The following TENM2 variants were observed in gnomAD, a reference collection of about 807,000 sequenced individuals.
TENM2 encodes the protein teneurin transmembrane protein 2.
TENM2 carries 52 observed loss-of-function variants against 245.2 expected under a neutral mutation model. The observed-to-expected ratio is 0.21, with a 90% CI of 0.17 to 0.27. The LOEUF is 0.27. Ranked by LOEUF, TENM2 falls within the 10% of genes least tolerant of loss-of-function variation. The pLI, the probability that TENM2 is intolerant of heterozygous loss-of-function variation, is 1.00. For synonymous variants in TENM2, 1,363 were observed against 1,438.9 expected, an observed-to-expected ratio of 0.95 and a Z score of 1.19; for missense variants, 3,046 against 3,666.8, an observed-to-expected ratio of 0.83 and a Z score of 4.37.
intron 2 of TENM2, among the ~76,000 whole-genome samples, chr5:167,462,775 C>T (rs893723804): frequency 2.6e-5 from 4 of 151,836 alleles, no homozygotes; most frequent in East Asian, 2.0e-4. Flanking sequence ...GGGACTGTGG[C>T]GCGTAGAGGG....
At position 167,870,569 on chromosome 5, in the gene TENM2, A is replaced by ATGTG. The variant is rs1554135290; in HGVS notation, c.503-5411_503-5408dup. ...AATGTGTATACATATATATATATAT[A>ATGTG]TGTGTGTGTATATATATATGTATAT... On this transcript the variant is annotated intron_variant, in intron 2 of 28. Transcript: ENST00000518659. Among the ~76,000 whole-genome samples the ATGTG allele has an allele frequency of 3.5e-4, 50 of 142,432 alleles. 1 individual carries two copies. The highest frequency in any genetic ancestry group is 1.3e-3 in the African/African-American group (47 of 36,184). The allele number at this position is 142,432 out of a possible 152,430, so 93.4% of individuals were successfully genotyped here.
At chr5:167,466,914 G>C (rs967268169) in intron 2 of TENM2, among the ~76,000 whole-genome samples, 1 of 152,064 alleles carries the variant, frequency 6.6e-6, no homozygotes, top group African/African-American at 2.4e-5. Context: ...TTCGGACTTC[G>C]GGTGCTTTGC....
rs963786858 is a variant in TENM2 at position 167,595,741 on chromosome 5, T to G, written c.502+220268T>G. Among the ~76,000 whole-genome samples the G allele has an allele frequency of 2.6e-5, 4 of 152,308 alleles. No homozygotes were observed. The East Asian group carries it at 7.7e-4, about 29-fold the overall frequency. ...CTAACAGCTGGTTTTGACATTGAAC[T>G]TCAGATCTAGGGTTGGTAAGAGTAT... is the stretch of plus-strand genomic sequence containing the variant. On this transcript the variant is annotated intron_variant, in intron 2 of 28. Coordinates refer to ENST00000518659, the Ensembl canonical transcript of TENM2.
intron 1 of TENM2, among the ~76,000 whole-genome samples, chr5:167,333,658 G>T (rs1757588372): frequency 1.3e-5 from 2 of 152,198 alleles, no homozygotes; most frequent in African/African-American, 4.8e-5. Context: ...AGAGTTGCCA[G>T]TGGCCTTCTA....
chr5:168,149,881 G>A (rs762805517), intron 12 of TENM2, among the ~76,000 whole-genome samples: 5 of 152,184 alleles, frequency 3.3e-5, no homozygotes, highest in Admixed American at 6.5e-5. Flanking sequence ...ATGCCTAGGG[G>A]CTTTGTACCT....
intron 8 of TENM2, among the ~76,000 whole-genome samples, chr5:168,091,865 A>G (rs1400123811): frequency 1.3e-5 from 2 of 152,192 alleles, no homozygotes; most frequent in Non-Finnish European, 2.9e-5. Flanking sequence ...TCTTCCCCAC[A>G]TCTTAACTGG....
intron 3 of TENM2, among the ~76,000 whole-genome samples, chr5:167,931,551 GAAAAAAA>G (rs368486009): frequency 1.8e-5 from 2 of 110,340 alleles, no homozygotes; most frequent in South Asian, 3.1e-4. Flanking sequence ...AAACCCATTG[GAAAAAAA>G]AAAAAAAAAA....
chr5:167,794,992 A>G (rs559950499), intron 2 of TENM2, among the ~76,000 whole-genome samples: 22 of 152,216 alleles, frequency 1.4e-4, no homozygotes, highest in Non-Finnish European at 3.1e-4. Context: ...TAACTTTTCT[A>G]TACTCTAACA....
intron 2 of TENM2, among the ~76,000 whole-genome samples, chr5:167,409,054 A>T (rs1762775954): frequency 1.3e-5 from 2 of 151,816 alleles, no homozygotes; most frequent in Non-Finnish European, 2.9e-5. Context: ...CTCATTGATT[A>T]AAACTTGAAA....
chr5:167,201,957 G>A, the TENM2 span, among the ~76,000 whole-genome samples: 1 of 151,990 alleles, frequency 6.6e-6, no homozygotes, highest in Non-Finnish European at 1.5e-5. Flanking sequence ...TATAGTGACT[G>A]GTGTCTTGTA....
the TENM2 span, among the ~76,000 whole-genome samples, chr5:167,154,603 G>A: frequency 6.6e-6 from 1 of 152,094 alleles, no homozygotes; most frequent in African/African-American, 2.4e-5. Context: ...AACAATAGAA[G>A]ACAAACTGAA....
chr5:168,102,946 T>C (rs901479362), intron 9 of TENM2, among the ~76,000 whole-genome samples: 2 of 152,092 alleles, frequency 1.3e-5, no homozygotes, highest in African/African-American at 2.4e-5. Flanking sequence ...TTGTTACATA[T>C]GTATACATGT....
chr5:167,381,038 C>A (rs1761070418), intron 2 of TENM2, among the ~76,000 whole-genome samples: 1 of 151,978 alleles, frequency 6.6e-6, no homozygotes, highest in Non-Finnish European at 1.5e-5. Context: ...TTTCTACAGA[C>A]AATTGAATCA....
At chr5:167,366,502 C>T (rs1408892956) in intron 1 of TENM2, among the ~76,000 whole-genome samples, 1 of 152,120 alleles carries the variant, frequency 6.6e-6, no homozygotes, top group African/African-American at 2.4e-5. Context: ...CTCCTCCACC[C>T]TGTGAAAGTA....
intron 2 of TENM2, among the ~76,000 whole-genome samples, chr5:167,434,892 T>C (rs1216153564): frequency 6.6e-6 from 1 of 152,224 alleles, no homozygotes; most frequent in Admixed American, 6.5e-5. Context: ...AAGAAAATTA[T>C]AGATTCAGAT....
Position 167,937,049 on chromosome 5 carries a change from G to T in TENM2, c.713-15539G>T, listed in dbSNP as rs190223861. Among the ~76,000 whole-genome samples, 45 of 152,236 alleles carry T rather than the reference G, an allele frequency of 3.0e-4. 1 individual carries two copies. In the East Asian group the frequency reaches 8.7e-3, roughly 29 times the overall value. ...TTTATGGTATACACCACGATGTTTT[G>T]ATATATGTACATTGTGGAATGGCTA... is the stretch of plus-strand genomic sequence containing the variant. On this transcript the variant is annotated intron_variant, in intron 3 of 28. Transcript: ENST00000518659.
the TENM2 span, among the ~76,000 whole-genome samples, chr5:167,055,363 CTCTG>C: frequency 2.0e-5 from 3 of 152,008 alleles, no homozygotes; most frequent in East Asian, 3.8e-4. Flanking sequence ...GTACATGAGT[CTCTG>C]TCTGGGTTAT....
intron 2 of TENM2, among the ~76,000 whole-genome samples, chr5:167,507,263 T>G (rs1303557033): frequency 6.6e-6 from 1 of 152,216 alleles, no homozygotes. Context: ...TTTTAGTTAT[T>G]TAACTTTTTA....
chr5:167,817,193 C>T (rs1359145171), intron 2 of TENM2, among the ~76,000 whole-genome samples: 2 of 152,274 alleles, frequency 1.3e-5, no homozygotes, highest in Admixed American at 6.5e-5. Context: ...TCACTCAGTC[C>T]AGCATCAGGA....
Sources: gnomAD v4.1 joint callset for allele counts (sites outside exome capture counted in the v4.1 genomes callset) on GRCh38, gnomAD v4.1.1 for gene constraint, MANE v1.5 for transcripts, NCBI Gene and HGNC (gene_info 2026-07-23, HGNC 2026-07-21) for gene names.